The following HTR1F variants were observed in gnomAD, a reference collection of about 807,000 sequenced individuals.
HTR1F encodes the protein 5-hydroxytryptamine (serotonin) receptor 1F, G protein-coupled.
Under a neutral mutation model 24.0 loss-of-function variants are expected in HTR1F, and 17 were observed. The observed-to-expected ratio is 0.71, with a 90% CI of 0.48 to 1.06. HTR1F has a LOEUF of 1.06. Among genes scored for constraint, HTR1F ranks in the 50% least tolerant of loss-of-function variants. HTR1F has a pLI of 0.00. For missense variants in HTR1F, 391 were observed against 427.8 expected (o/e 0.91, Z 0.76); for synonymous variants, 186 against 156.8 (o/e 1.19, Z -1.39).
At chr3:87,817,788 T>C (rs1235458407) in intron 1 of HTR1F, among the ~76,000 whole-genome samples, 1 of 152,184 alleles carries the variant, frequency 6.6e-6, no homozygotes, top group Admixed American at 6.5e-5. Context: ...TGAGATGATG[T>C]AACTGTATGG....
intron 2 of HTR1F, among the ~76,000 whole-genome samples, chr3:87,932,029 G>A (rs1191035730): frequency 6.6e-6 from 1 of 152,126 alleles, no homozygotes; most frequent in Non-Finnish European, 1.5e-5. Context: ...CTTTTGCTGT[G>A]CAGAAGCTCT....
chr3:87,805,953 T>C (rs1421305921), intron 1 of HTR1F, among the ~76,000 whole-genome samples: 3 of 152,088 alleles, frequency 2.0e-5, no homozygotes, highest in African/African-American at 7.2e-5. Flanking sequence ...ACATGCACAT[T>C]CATTACTTTC....
chr3:87,897,662 T>A (rs1020296760), intron 2 of HTR1F, among the ~76,000 whole-genome samples: 7 of 152,052 alleles, frequency 4.6e-5, no homozygotes, highest in African/African-American at 1.7e-4. Context: ...CCAGCCTAAA[T>A]TCTTATGACC....
chr3:87,921,800 T>C (rs1170765493), intron 2 of HTR1F, among the ~76,000 whole-genome samples: 2 of 151,926 alleles, frequency 1.3e-5, no homozygotes. Context: ...ACCATAGAAA[T>C]ATTAAGTGAA....
At chr3:87,968,215 A>T (rs914522470) in intron 2 of HTR1F, among the ~76,000 whole-genome samples, 3 of 145,734 alleles carry the variant, frequency 2.1e-5, no homozygotes, top group African/African-American at 5.0e-5. Flanking sequence ...AGCAGAAGAA[A>T]TTTTTTTTTT....
chr3:87,812,316 T>A (rs1241170839), intron 1 of HTR1F, among the ~76,000 whole-genome samples: 1 of 152,172 alleles, frequency 6.6e-6, no homozygotes, highest in Non-Finnish European at 1.5e-5. Context: ...GATAGTGATA[T>A]GGACAATGAA....
chr3:87,936,376 A>T (rs1385281910), intron 2 of HTR1F, among the ~76,000 whole-genome samples: 1 of 152,238 alleles, frequency 6.6e-6, no homozygotes, highest in Non-Finnish European at 1.5e-5. Context: ...CAACTGAAAG[A>T]TTAATAATTT....
Position 87,792,769 on chromosome 3 carries a change from C to T in HTR1F, c.-233C>T, listed in dbSNP as rs969703107. On this transcript the variant is annotated 5_prime_UTR_variant, in exon 1 of 3. Transcript: ENST00000319595. ...CTGCTGTCTTCCCGCCCCGTGGGGT[C>T]GCCCCTGCCCTCCCGCGCCCCGGGG... Among the ~76,000 whole-genome samples, 1 of 152,208 alleles carries T rather than the reference C, an allele frequency of 6.6e-6. No individual in the cohort carries two copies. The highest frequency in any genetic ancestry group is 6.5e-5 in the Admixed American group (1 of 15,290).
chr3:87,825,960 A>G (rs1012048298), intron 2 of HTR1F, among the ~76,000 whole-genome samples: 9 of 152,328 alleles, frequency 5.9e-5, no homozygotes, highest in African/African-American at 1.9e-4. Context: ...TAGTTTAACT[A>G]TGTTTTACTT....
At chr3:87,881,351 C>A (rs574951646) in intron 2 of HTR1F, among the ~76,000 whole-genome samples, 2 of 152,324 alleles carry the variant, frequency 1.3e-5, no homozygotes, top group Admixed American at 6.5e-5. Context: ...CTGAGATCCA[C>A]CTGCAAGGCA....
intron 2 of HTR1F, among the ~76,000 whole-genome samples, chr3:87,850,241 A>C (rs973317731): frequency 6.6e-6 from 1 of 151,996 alleles, no homozygotes; most frequent in African/African-American, 2.4e-5. Flanking sequence ...GGACTAAGAA[A>C]ATGTGGCACA....
At chr3:87,827,526 G>A (rs1704489821) in intron 2 of HTR1F, among the ~76,000 whole-genome samples, 1 of 152,146 alleles carries the variant, frequency 6.6e-6, no homozygotes, top group African/African-American at 2.4e-5. Flanking sequence ...GAAAACTGCA[G>A]TATGTATGCT....
chr3:87,929,031 T>A (rs1341276816), intron 2 of HTR1F, among the ~76,000 whole-genome samples: 1 of 152,178 alleles, frequency 6.6e-6, no homozygotes, highest in Non-Finnish European at 1.5e-5. Context: ...TCTCTTCACA[T>A]CACCTGTCAG....
chr3:87,905,352 G>T (rs1906914), intron 2 of HTR1F, among the ~76,000 whole-genome samples: 13,490 of 151,234 alleles, frequency 0.089, 1,877 homozygotes, highest in African/African-American at 0.3. Flanking sequence ...AAAACACCAA[G>T]AAAAAGAAAT....
chr3:87,932,925 C>T (rs1264403413), intron 2 of HTR1F, among the ~76,000 whole-genome samples: 1 of 150,646 alleles, frequency 6.6e-6, no homozygotes, highest in Non-Finnish European at 1.5e-5. Flanking sequence ...GACCAATATC[C>T]TTGATGAACA....
At chr3:87,872,214 A>C (rs1207661034) in intron 2 of HTR1F, among the ~76,000 whole-genome samples, 1 of 152,162 alleles carries the variant, frequency 6.6e-6, no homozygotes, top group Non-Finnish European at 1.5e-5. Context: ...GACAAATGAA[A>C]TGGAGAACTC....
intron 2 of HTR1F, among the ~76,000 whole-genome samples, chr3:87,825,631 A>G (rs1400955387): frequency 6.6e-6 from 1 of 152,158 alleles, no homozygotes; most frequent in Non-Finnish European, 1.5e-5. Flanking sequence ...TTTCATTAGT[A>G]CCATGGCTTC....
chr3:87,830,477 T>G (rs1704551875), intron 2 of HTR1F, among the ~76,000 whole-genome samples: 1 of 152,212 alleles, frequency 6.6e-6, no homozygotes, highest in Non-Finnish European at 1.5e-5. Flanking sequence ...AACTATGTAT[T>G]ATAATGATAT....
At chr3:87,938,345 T>C (rs1285590108) in intron 2 of HTR1F, among the ~76,000 whole-genome samples, 3 of 152,216 alleles carry the variant, frequency 2.0e-5, no homozygotes, top group African/African-American at 7.2e-5. Flanking sequence ...ATCAGTATCA[T>C]TAAACTGGCC....
Sources: gnomAD v4.1 joint callset for allele counts (sites outside exome capture counted in the v4.1 genomes callset) on GRCh38, gnomAD v4.1.1 for gene constraint, MANE v1.5 for transcripts, NCBI Gene and HGNC (gene_info 2026-07-23, HGNC 2026-07-21) for gene names.